The following OTUD7B variants were observed in gnomAD, a reference collection of about 807,000 sequenced individuals.
OTUD7B encodes OTU deubiquitinase 7B, also known as OTU domain-containing protein 7B.
Under a neutral mutation model 82.2 loss-of-function variants are expected in OTUD7B, and 34 were observed. The observed-to-expected ratio is 0.41, with a 90% CI of 0.31 to 0.55. The LOEUF is 0.55. Among genes scored for constraint, OTUD7B ranks in the 20% least tolerant of loss-of-function variants. OTUD7B has a pLI of 0.20. For synonymous variants in OTUD7B, 398 were observed against 402.7 expected, an observed-to-expected ratio of 0.99 and a Z score of 0.14; for missense variants, 944 against 1,062.1, an observed-to-expected ratio of 0.89 and a Z score of 1.55.
intron 2 of OTUD7B, 139 bp downstream of exon 2, chr1:149,977,287 A>G: frequency 1.6e-6 from 1 of 617,676 alleles, no homozygotes; most frequent in Non-Finnish European, 2.9e-6. Flanking sequence ...GGTTATACAC[A>G]AAGTATATCA....
chr1:149,979,013 A>ATTT (rs71083888), intron 1 of OTUD7B, among the ~76,000 whole-genome samples: 8,899 of 148,252 alleles, frequency 0.06, 808 homozygotes, highest in African/African-American at 0.2. Context: ...CTAACACTGG[A>ATTT]TTTTTTTTTT....
intron 1 of OTUD7B, among the ~76,000 whole-genome samples, chr1:149,987,499 C>G (rs1337452488): frequency 6.6e-6 from 1 of 152,156 alleles, no homozygotes; most frequent in Non-Finnish European, 1.5e-5. Flanking sequence ...TGCATTTCAG[C>G]CCTCCTGTTA....
Position 149,944,310 on chromosome 1 carries a change from A to C in OTUD7B, c.2079T>G (p.Pro693=), listed in dbSNP as rs782462180. 6.2e-7 allele frequency: 1 copy of C among 1,610,918 alleles called. No homozygotes were observed. The stretch of plus-strand genomic sequence containing the variant: ...ACGGCCGAGGGATAGTAAAGTCCCC[A>C]GGGTAGCCAGTGGAAAATGCCATTG... ...SRAMAFSTGY[P]GDFTIPRPSG... is the part of the protein sequence containing the mutation. The change falls in exon 12 of 12, where the codon CCT becomes CCG. Residue 693 remains proline (P), a synonymous_variant. Coordinates refer to ENST00000581312, the MANE Select transcript of OTUD7B (RefSeq NM_020205.4).
At chr1:150,016,441 CT>C in the OTUD7B span, among the ~76,000 whole-genome samples, 3 of 13,572 alleles carry the variant, frequency 2.2e-4, no homozygotes, top group Admixed American at 2.8e-3. Context: ...TTTTCTTTCT[CT>C]TTTCTTTTTC....
In OTUD7B at chr1:149,989,791, T is replaced by C. The variant is rs144805226; in HGVS notation, c.-66-12215A>G. On this transcript the variant is annotated intron_variant, in intron 1 of 11. Transcript: ENST00000581312. Reference sequence around the variant, plus strand: ...GGGCGGGGGGAGGGAGGGAAATTTGTCTTTTATAAAATTATATAATTCAGT... The same window carrying C: ...GGGCGGGGGGAGGGAGGGAAATTTGCCTTTTATAAAATTATATAATTCAGT... Among the ~76,000 whole-genome samples the C allele has an allele frequency of 4.0e-3, 595 of 150,552 alleles. 7 individuals carry two copies. Among genetic ancestry groups the C allele is most frequent in the African/African-American group, 0.014 (563 of 41,076 alleles).
Position 149,967,424 on chromosome 1 carries a change from A to C in OTUD7B, c.372T>G (p.Asn124Lys). Reference protein sequence around the residue: ...VSSNGGGGGSNEHPLEMPICA... With the variant: ...VSSNGGGGGSKEHPLEMPICA... ...AGATGGGCATTTCCAGGGGGTGCTC[A>C]TTGCTCCCCCCACCCCCACCATTGG... The change falls in exon 4 of 12, where the codon AAT (asparagine) becomes AAG (lysine). Residue 124 changes from asparagine to lysine, a missense_variant. By Grantham distance (94) the Asn-to-Lys change is moderately conservative. Around this residue, in one of 3 missense-constraint regions of OTUD7B, gnomAD observed 530 missense variants for 625.6 expected, o/e 0.85. Coordinates refer to ENST00000581312, the MANE Select transcript of OTUD7B (RefSeq NM_020205.4). 1 of 1,613,906 alleles carries C rather than the reference A, an allele frequency of 6.2e-7. No homozygotes were observed. The highest frequency in any genetic ancestry group is 8.5e-7 in the Non-Finnish European group (1 of 1,179,826).
intron 1 of OTUD7B, among the ~76,000 whole-genome samples, chr1:149,990,730 G>A (rs1011602420): frequency 2.6e-5 from 4 of 152,024 alleles, no homozygotes; most frequent in Non-Finnish European, 4.4e-5. Context: ...GTGCGGTGGC[G>A]CATGCCTGTA....
intron 1 of OTUD7B, among the ~76,000 whole-genome samples, chr1:150,000,744 C>T (rs1016708358): frequency 2.0e-5 from 3 of 151,782 alleles, no homozygotes; most frequent in Non-Finnish European, 4.4e-5. Flanking sequence ...TTTAGGAGGC[C>T]AATGTGGGCA....
intron 1 of OTUD7B, among the ~76,000 whole-genome samples, chr1:149,994,737 A>C (rs1000167033): frequency 6.6e-5 from 10 of 152,080 alleles, no homozygotes; most frequent in African/African-American, 2.4e-4. Context: ...TAGCCTCCTG[A>C]GTAGCTAGGA....
At chr1:150,009,058 C>T (rs1251180704) in intron 1 of OTUD7B, among the ~76,000 whole-genome samples, 1 of 152,078 alleles carries the variant, frequency 6.6e-6, no homozygotes, top group East Asian at 1.9e-4. Flanking sequence ...GGTTACTGAA[C>T]GTTAAAAGAA....
upstream of OTUD7B, among the ~76,000 whole-genome samples, chr1:150,013,920 C>CA (rs1207073066): frequency 0.5 from 27,093 of 54,460 alleles, 7,849 homozygotes; most frequent in East Asian, 0.69. Flanking sequence ...GACTCTGTCT[C>CA]AAAAAAAAAA....
the OTUD7B span, among the ~76,000 whole-genome samples, chr1:150,046,348 C>G: frequency 6.6e-6 from 1 of 151,998 alleles, no homozygotes; most frequent in Non-Finnish European, 1.5e-5. Context: ...TGTTGTAAAG[C>G]CTCCTAACTA....
At chr1:150,043,488 G>A in the OTUD7B span, among the ~76,000 whole-genome samples, 14 of 152,068 alleles carry the variant, frequency 9.2e-5, no homozygotes, top group African/African-American at 2.2e-4. Context: ...ATAGATTTCC[G>A]CTTTAATGTA....
the OTUD7B span, among the ~76,000 whole-genome samples, chr1:150,020,939 G>A: frequency 6.6e-6 from 1 of 152,096 alleles, no homozygotes. Flanking sequence ...GCCCTGTTCT[G>A]GTCTCTGCTG....
chr1:149,945,892 C>G (rs1408284305), intron 11 of OTUD7B, among the ~76,000 whole-genome samples: 1 of 151,696 alleles, frequency 6.6e-6, no homozygotes, highest in Non-Finnish European at 1.5e-5. Flanking sequence ...GAAACCCCAT[C>G]TCTACTAAAA....
the OTUD7B span, among the ~76,000 whole-genome samples, chr1:150,044,859 A>C: frequency 1.3e-5 from 2 of 150,450 alleles, no homozygotes; most frequent in African/African-American, 4.9e-5. Context: ...TGTATTAGTT[A>C]CCTGTGAAAA....
intron 11 of OTUD7B, among the ~76,000 whole-genome samples, chr1:149,945,714 G>A (rs1647663810): frequency 6.6e-6 from 1 of 152,056 alleles, no homozygotes; most frequent in South Asian, 2.1e-4. Flanking sequence ...GAAGACTTTG[G>A]ACGAAATAAT....
chr1:149,998,359 C>A (rs183590070), intron 1 of OTUD7B, among the ~76,000 whole-genome samples: 5 of 152,178 alleles, frequency 3.3e-5, no homozygotes, highest in African/African-American at 9.7e-5. Flanking sequence ...AGTATAAAAA[C>A]CAAATTCCTT....
At chr1:149,969,748 G>C (rs1553777294) in intron 3 of OTUD7B, among the ~76,000 whole-genome samples, 2 of 152,132 alleles carry the variant, frequency 1.3e-5, no homozygotes, top group African/African-American at 4.8e-5. Flanking sequence ...ACCCAGGCTG[G>C]AGAGCAGTGG....
Sources: gnomAD v4.1 joint callset for allele counts (sites outside exome capture counted in the v4.1 genomes callset) on GRCh38, gnomAD v4.1.1 for gene constraint, gnomAD v4.1.1 regional missense constraint, MANE v1.5 for transcripts, NCBI Gene and HGNC (gene_info 2026-07-23, HGNC 2026-07-21) for gene names.